MACROD1: variants seen among roughly 807,000 people sequenced by gnomAD.
The protein encoded by MACROD1 is mono-ADP ribosylhydrolase 1.
MACROD1 carries 31 observed loss-of-function variants against 41.4 expected under a neutral mutation model. That is an observed-to-expected ratio of 0.75 (90% CI 0.56 to 1.01). The LOEUF (loss-of-function observed/expected upper bound fraction) is 1.01. Ranked by LOEUF, MACROD1 falls within the 50% of genes least tolerant of loss-of-function variation. MACROD1 has a pLI of 0.00. For synonymous variants in MACROD1, 252 were observed against 203.4 expected (o/e 1.24, Z -2.03); for missense variants, 473 against 460.0 (o/e 1.03, Z -0.26).
intron 3 of MACROD1, among the ~76,000 whole-genome samples, chr11:64,018,657 G>A (rs1038197844): frequency 6.6e-6 from 1 of 152,154 alleles, no homozygotes; most frequent in Non-Finnish European, 1.5e-5. Flanking sequence ...CCACCGGCTT[G>A]AGCCTCTAAG....
chr11:64,105,611 G>A (rs4980504), intron 3 of MACROD1, among the ~76,000 whole-genome samples: 61,068 of 152,026 alleles, frequency 0.4, 15,037 homozygotes, highest in Non-Finnish European at 0.55. Context: ...GCTAAGAGGC[G>A]TGACCCCACA....
In MACROD1 at chr11:64,024,142, T is replaced by C. The variant is rs114108321; in HGVS notation, c.518-8861A>G. 5.8e-3 allele frequency among the ~76,000 whole-genome samples: 878 copies of C among 152,354 alleles called. 9 individuals carry two copies. Among genetic ancestry groups the C allele is most frequent in the African/African-American group, 0.02 (811 of 41,580 alleles). ...GTTCATTCCACCAAATGGAATACCA[T>C]GAGCATGCAACACAAAAACAAGAGA... On this transcript the variant is annotated intron_variant, in intron 3 of 10. Coordinates refer to ENST00000255681, the MANE Select transcript of MACROD1 (RefSeq NM_014067.4).
intron 1 of MACROD1, among the ~76,000 whole-genome samples, chr11:64,159,750 C>A (rs747483303): frequency 6.6e-6 from 1 of 152,070 alleles, no homozygotes; most frequent in Non-Finnish European, 1.5e-5. Flanking sequence ...GCCGAGATTG[C>A]GCCACTGCAC....
At chr11:64,014,595 C>T (rs1292959713) in intron 4 of MACROD1, among the ~76,000 whole-genome samples, 1 of 152,212 alleles carries the variant, frequency 6.6e-6, no homozygotes, top group African/African-American at 2.4e-5. Context: ...TGGGGGGCTG[C>T]AGGACTGGGC....
chr11:64,166,013 G>C lies in MACROD1; in HGVS notation c.-19C>G. ...GAGACATGAGCGGGCGGCGCGGGAC[G>C]GCTCTCCGCCCACTTGGACTCTATT... is the stretch of plus-strand genomic sequence containing the variant. On this transcript the variant is annotated 5_prime_UTR_variant, in exon 1 of 11. Transcript: ENST00000255681. 1 of 1,256,790 alleles carries C rather than the reference G, an allele frequency of 8.0e-7. No homozygotes were observed. Among genetic ancestry groups the C allele is most frequent in the Non-Finnish European group, 1.0e-6 (1 of 1,003,900 alleles). The allele number at this position is 1,256,790 out of a possible 1,614,324, so 77.9% of individuals were successfully genotyped here.
intron 3 of MACROD1, among the ~76,000 whole-genome samples, chr11:64,022,667 G>T (rs1387745260): frequency 6.6e-6 from 1 of 152,192 alleles, no homozygotes; most frequent in Non-Finnish European, 1.5e-5. Flanking sequence ...CCCTCAAGCT[G>T]TGAGAGCAGT....
intron 3 of MACROD1, among the ~76,000 whole-genome samples, chr11:64,130,051 C>T (rs2134655114): frequency 6.6e-6 from 1 of 152,252 alleles, no homozygotes; most frequent in South Asian, 2.1e-4. Flanking sequence ...ATGTCTTCAG[C>T]TGGATGCCAG....
intron 3 of MACROD1, among the ~76,000 whole-genome samples, chr11:64,143,065 G>A (rs1297239971): frequency 7.9e-6 from 1 of 127,100 alleles, no homozygotes; most frequent in African/African-American, 2.9e-5. Context: ...AGTGAGCCAT[G>A]ATTGCACCAC....
At chr11:64,013,022 G>T (rs1212369794) in intron 4 of MACROD1, among the ~76,000 whole-genome samples, 2 of 151,880 alleles carry the variant, frequency 1.3e-5, no homozygotes, top group African/African-American at 4.8e-5. Flanking sequence ...TAGAGATGGG[G>T]TCTTACTATG....
At chr11:64,004,879 A>C (rs1942884387) in intron 4 of MACROD1, among the ~76,000 whole-genome samples, 1 of 151,956 alleles carries the variant, frequency 6.6e-6, no homozygotes, top group African/African-American at 2.4e-5. Flanking sequence ...GTAAGACCCC[A>C]TCTCAAAGAA....
intron 3 of MACROD1, among the ~76,000 whole-genome samples, chr11:64,025,604 T>G (rs1179621388): frequency 1.3e-5 from 2 of 152,198 alleles, no homozygotes; most frequent in Admixed American, 1.3e-4. Context: ...TAAGATAGGT[T>G]CTGTGTCTTT....
chr11:64,083,898 C>T (rs370113341), intron 3 of MACROD1, among the ~76,000 whole-genome samples: 19 of 152,316 alleles, frequency 1.2e-4, no homozygotes, highest in African/African-American at 3.8e-4. Context: ...AGCGTGCAGG[C>T]GGGCGTGCGG....
Position 64,019,833 on chromosome 11 carries a change from C to A in MACROD1, c.518-4552G>T, listed in dbSNP as rs541281260. Reference sequence around the variant, plus strand: ...TACTGAAGTCTGCAGACTGGGAAGGCTTCTCGGAGGAGGTGGCATTTGAGC... The same window carrying A: ...TACTGAAGTCTGCAGACTGGGAAGGATTCTCGGAGGAGGTGGCATTTGAGC... On this transcript the variant is annotated intron_variant, in intron 3 of 10. Coordinates refer to ENST00000255681, the MANE Select transcript of MACROD1 (RefSeq NM_014067.4). Among the ~76,000 whole-genome samples, 21 of 152,170 alleles carry A rather than the reference C, an allele frequency of 1.4e-4. 1 individual carries two copies. The highest frequency in any genetic ancestry group is 4.8e-4 in the African/African-American group (20 of 41,508).
At chr11:64,004,091 C>T (rs1214643250) in intron 4 of MACROD1, among the ~76,000 whole-genome samples, 1 of 152,238 alleles carries the variant, frequency 6.6e-6, no homozygotes. Context: ...CTGAGCGGCC[C>T]TTGACCCTCC....
At chr11:64,025,822 A>T (rs1354375807) in intron 3 of MACROD1, among the ~76,000 whole-genome samples, 1 of 151,054 alleles carries the variant, frequency 6.6e-6, no homozygotes, top group Non-Finnish European at 1.5e-5. Flanking sequence ...CGGGCTCAAG[A>T]GATCCTTCTG....
intron 3 of MACROD1, among the ~76,000 whole-genome samples, chr11:64,099,457 T>C (rs758222890): frequency 1.3e-5 from 2 of 152,050 alleles, no homozygotes; most frequent in South Asian, 2.1e-4. Context: ...GAGAAATGGA[T>C]AGGTGGAGAG....
chr11:64,016,079 G>A (rs1943077612), intron 3 of MACROD1, among the ~76,000 whole-genome samples: 1 of 152,200 alleles, frequency 6.6e-6, no homozygotes, highest in Non-Finnish European at 1.5e-5. Context: ...ACTAGGGGTA[G>A]TGCTGCCAGG....
In MACROD1 at chr11:64,046,555, CT is replaced by C. The variant is rs375309299; in HGVS notation, c.518-31275del. ...CATGCACACTCCTGATTGGCCCGTT[CT>C]TTTTTTCTTTTTGAGACGGAGTTTT... On this transcript the variant is annotated intron_variant, in intron 3 of 10. Transcript: ENST00000255681. Among the ~76,000 whole-genome samples, 201 of 152,294 alleles carry C rather than the reference CT, an allele frequency of 1.3e-3. 1 individual carries two copies. In the Middle Eastern group the frequency reaches 0.027, roughly 21 times the overall value.
Position 63,999,377 on chromosome 11 carries a change from A to T in MACROD1, c.845T>A (p.Ile282Asn). ...CCACTCTCGCAGCGTGGCCAGCACG[A>T]TCTCGGCGGCCGCCTCACAGGGGTA... ...FGYPCEAAAE[I>N]VLATLREWLE... Residue 282 changes from isoleucine to asparagine, a missense_variant, in exon 8 of 11, where the codon ATC becomes AAC. By Grantham distance (149) the Ile-to-Asn change is moderately radical. Coordinates refer to ENST00000255681, the MANE Select transcript of MACROD1 (RefSeq NM_014067.4). 6.3e-7 allele frequency: 1 copy of T among 1,592,916 alleles called. No homozygotes were observed. The highest frequency in any genetic ancestry group is 8.5e-7 in the Non-Finnish European group (1 of 1,174,280).
Sources: allele counts gnomAD v4.1 joint callset (sites outside exome capture counted in the v4.1 genomes callset), GRCh38; gene constraint gnomAD v4.1.1; transcripts MANE v1.5; gene names NCBI Gene and HGNC (gene_info 2026-07-23, HGNC 2026-07-21).